The following ANKRD36B variants were observed in gnomAD, a reference collection of about 807,000 sequenced individuals.
ANKRD36B encodes ankyrin repeat domain 36B.
A neutral mutation model predicts 135.7 loss-of-function variants in ANKRD36B; 37 were observed. The observed-to-expected ratio is 0.27, with a 90% confidence interval of 0.21 to 0.36. The LOEUF (loss-of-function observed/expected upper bound fraction) is 0.36. Among genes scored for constraint, ANKRD36B ranks in the 10% least tolerant of loss-of-function variants. The probability of loss-of-function intolerance (pLI) is 1.00; values close to 1 mark genes in which losing one functional copy is unlikely to be tolerated. For synonymous variants in ANKRD36B, 179 were observed against 348.1 expected, an observed-to-expected ratio of 0.51 and a Z score of 5.41; for missense variants, 549 against 1,037.1, an observed-to-expected ratio of 0.53 and a Z score of 6.46.
At chr2:97,558,770 A>G (rs2080757952) in intron 10 of ANKRD36B, 29 bp downstream of exon 10, 3 of 1,609,972 alleles carry the variant, frequency 1.9e-6, no homozygotes, top group Non-Finnish European at 8.5e-7. Flanking sequence ...TTGACTGAAC[A>G]TGACATTAAA....
chr2:97,514,660 G>GT (rs1238767556), intron 37 of ANKRD36B, among the ~76,000 whole-genome samples: 2 of 92,992 alleles, frequency 2.2e-5, no homozygotes, highest in Non-Finnish European at 5.7e-5. Context: ...TTTTAAGATT[G>GT]TTTTTTGGGT....
At chr2:97,494,542 A>G (rs557404847) in intron 43 of ANKRD36B, among the ~76,000 whole-genome samples, 5 of 107,378 alleles carry the variant, frequency 4.7e-5, no homozygotes, top group South Asian at 2.2e-4. Flanking sequence ...ATCAACCACC[A>G]TGACCCAAAC....
At chr2:97,502,259 GA>G (rs2077350753) in intron 43 of ANKRD36B, among the ~76,000 whole-genome samples, 2 of 77,742 alleles carry the variant, frequency 2.6e-5, no homozygotes, top group South Asian at 2.6e-4. Context: ...TACAGAAATG[GA>G]AAAAAATCTT....
chr2:97,563,491 G>A (rs567823242), intron 6 of ANKRD36B, among the ~76,000 whole-genome samples: 2 of 151,658 alleles, frequency 1.3e-5, no homozygotes, highest in South Asian at 4.2e-4. Flanking sequence ...GGCTTTACGG[G>A]GTGTTTCTTC....
intron 16 of ANKRD36B, 111 bp downstream of exon 16, chr2:97,553,057 A>G: frequency 7.6e-7 from 1 of 1,308,478 alleles, no homozygotes; most frequent in Non-Finnish European, 1.1e-6. Context: ...GCTGGATCAG[A>G]ATGTGCAGCT....
intron 1 of ANKRD36B, among the ~76,000 whole-genome samples, chr2:97,586,234 C>G (rs2082982565): frequency 6.6e-6 from 1 of 151,806 alleles, no homozygotes; most frequent in African/African-American, 2.4e-5. Flanking sequence ...CCAAAGAAAA[C>G]TCAGGATTCA....
At chr2:97,550,174 A>G (rs2079908733) in intron 18 of ANKRD36B, among the ~76,000 whole-genome samples, 1 of 146,708 alleles carries the variant, frequency 6.8e-6, no homozygotes, top group South Asian at 2.1e-4. Flanking sequence ...TACCAAGTAG[A>G]TAATATTCAT....
chr2:97,577,021 C>T lies in ANKRD36B; in HGVS notation c.696-575G>A, dbSNP rs2442281. Among the ~76,000 whole-genome samples, 125 of 152,090 alleles carry T rather than the reference C, an allele frequency of 8.2e-4. 1 individual carries two copies. The highest frequency in any genetic ancestry group is 1.5e-3 in the Non-Finnish European group (103 of 67,910). On this transcript the variant is annotated intron_variant, in intron 5 of 43. Coordinates refer to ENST00000359901, the MANE Select transcript of ANKRD36B (RefSeq NM_001393939.1). Reference sequence around the variant, plus strand: ...AATTTTGCTTATTGTTCTATTATTTCTGGCTTATAATTCAGTGTATCTCAA... The same window carrying T: ...AATTTTGCTTATTGTTCTATTATTTTTGGCTTATAATTCAGTGTATCTCAA...
At chr2:97,563,272 G>A (rs2081183526) in intron 6 of ANKRD36B, among the ~76,000 whole-genome samples, 1 of 151,574 alleles carries the variant, frequency 6.6e-6, no homozygotes, top group Non-Finnish European at 1.5e-5. Context: ...GAAAAATGAA[G>A]CACTGACATA....
intron 3 of ANKRD36B, among the ~76,000 whole-genome samples, chr2:97,583,621 GTTTTA>G (rs2082762741): frequency 1.7e-5 from 2 of 116,580 alleles, no homozygotes; most frequent in Non-Finnish European, 3.4e-5. Flanking sequence ...CCCAAGAAAT[GTTTTA>G]TTGTTGTTGT....
intron 37 of ANKRD36B, among the ~76,000 whole-genome samples, chr2:97,514,124 C>A (rs1234788644): frequency 7.3e-6 from 1 of 137,304 alleles, no homozygotes. Context: ...CTTCAAATAT[C>A]TTACAGAGTT....
At chr2:97,573,175 G>C (rs1559225290) in intron 6 of ANKRD36B, among the ~76,000 whole-genome samples, 1 of 151,600 alleles carries the variant, frequency 6.6e-6, no homozygotes, top group Non-Finnish European at 1.5e-5. Context: ...TTCGTTTTTT[G>C]TCCTTGCCAT....
chr2:97,557,201 G>T, intron 10 of ANKRD36B, 69 bp from the exon 11 acceptor site: 1 of 1,496,450 alleles, frequency 6.7e-7, no homozygotes, highest in Non-Finnish European at 9.0e-7. Context: ...CATTCATGCA[G>T]TGTTAGCATC....
intron 14 of ANKRD36B, 150 bp downstream of exon 14, chr2:97,554,910 T>G: frequency 9.9e-7 from 1 of 1,014,858 alleles, no homozygotes; most frequent in Non-Finnish European, 1.5e-6. Context: ...AGCATCAGCA[T>G]CACCCGAGAA....
intron 10 of ANKRD36B, among the ~76,000 whole-genome samples, 180 bp downstream of exon 10, chr2:97,558,619 T>A (rs1183920943): frequency 2.6e-5 from 4 of 151,916 alleles, no homozygotes; most frequent in Non-Finnish European, 4.4e-5. Context: ...AAGTCTATAA[T>A]CTTACTGCAA....
rs1049979448 is a variant in ANKRD36B, at chr2:97,551,432, A to C, written c.1302+20T>G. The C allele has an allele frequency of 2.5e-6, 4 of 1,606,580 alleles. No homozygotes were observed. Among genetic ancestry groups the C allele is most frequent in the Non-Finnish European group, 3.4e-6 (4 of 1,178,778 alleles). ...GGCTATACGTTTACTAGCTCACAAT[A>C]TAAATGAGAGTTTCATTACCTTCAA... On this transcript the variant is annotated intron_variant, in intron 17 of 43. Coordinates refer to ENST00000359901, the MANE Select transcript of ANKRD36B (RefSeq NM_001393939.1).
intron 9 of ANKRD36B, 40 bp from the exon 10 acceptor site, chr2:97,558,911 A>C (rs2080768791): frequency 1.9e-6 from 3 of 1,608,464 alleles, no homozygotes; most frequent in Middle Eastern, 1.7e-4. Flanking sequence ...TATGTAAAGT[A>C]GGTTTCATAG....
intron 35 of ANKRD36B, among the ~76,000 whole-genome samples, chr2:97,525,879 T>C (rs1331330487): frequency 1.0e-5 from 1 of 97,964 alleles, no homozygotes. Flanking sequence ...CCAGGCTTGC[T>C]TAGGTAAACA....
chr2:97,558,720 C>T lies in ANKRD36B; in HGVS notation c.967+79G>A, dbSNP rs182356793. ...TCAGAATGTGCAGCTTCAATGAATC[C>T]CCCGCTGATTTATTCGGGGAAGAGA... On this transcript the variant is annotated intron_variant, in intron 10 of 43. Transcript: ENST00000359901. The T allele has an allele frequency of 6.6e-5, 105 of 1,592,304 alleles. No homozygotes were observed. The African/African-American group carries it at 1.2e-3, about 18-fold the overall frequency.
Sources: gnomAD v4.1 joint callset for allele counts (sites outside exome capture counted in the v4.1 genomes callset) on GRCh38, gnomAD v4.1.1 for gene constraint, MANE v1.5 for transcripts, NCBI Gene and HGNC (gene_info 2026-07-23, HGNC 2026-07-21) for gene names.